Variants in TAFA1 observed in about 807,000 individuals in gnomAD.
The protein encoded by TAFA1 is TAFA chemokine like family member 1.
In TAFA1, 4 loss-of-function variants were observed where a neutral mutation model predicts 18.5. That is an observed-to-expected ratio of 0.22 (90% CI 0.11 to 0.49). The LOEUF (loss-of-function observed/expected upper bound fraction) is 0.49, where lower values mean the gene tolerates loss of function less well. Among genes scored for constraint, TAFA1 ranks in the 20% least tolerant of loss-of-function variants. The pLI is 0.98. For missense variants in TAFA1, 147 were observed against 169.0 expected (o/e 0.87, Z 0.72); for synonymous variants, 56 against 55.2 (o/e 1.01, Z -0.06).
intron 2 of TAFA1, among the ~76,000 whole-genome samples, chr3:68,182,134 A>G (rs1391176224): frequency 6.6e-6 from 1 of 152,166 alleles, no homozygotes; most frequent in Non-Finnish European, 1.5e-5. Context: ...ACTTGATCCC[A>G]GGAGGTCAAG....
chr3:68,356,804 A>C (rs2069375351), intron 2 of TAFA1, among the ~76,000 whole-genome samples: 1 of 152,014 alleles, frequency 6.6e-6, no homozygotes, highest in Non-Finnish European at 1.5e-5. Flanking sequence ...ATACATACAT[A>C]TATTGTGCTA....
intron 2 of TAFA1, among the ~76,000 whole-genome samples, chr3:68,098,099 T>C (rs1395780946): frequency 6.6e-6 from 1 of 152,206 alleles, no homozygotes; most frequent in Non-Finnish European, 1.5e-5. Flanking sequence ...AAAGAACCTG[T>C]TGTGGTCTCA....
At chr3:68,060,484 G>A (rs140571060) in intron 2 of TAFA1, among the ~76,000 whole-genome samples, 3 of 152,184 alleles carry the variant, frequency 2.0e-5, no homozygotes, top group African/African-American at 7.2e-5. Flanking sequence ...TACCTTGACG[G>A]AGTGAAACTA....
At position 68,172,844 on chromosome 3, in the gene TAFA1, A is replaced by C. The variant is rs144111010; in HGVS notation, c.118+166100A>C. On this transcript the variant is annotated intron_variant, in intron 2 of 4. Coordinates refer to ENST00000478136, the MANE Select transcript of TAFA1 (RefSeq NM_213609.4). ...AAATCTGTAGAGACATAAATGGATT[A>C]GTATTTTCAGGGACTGATAGTAGGG... Among the ~76,000 whole-genome samples, 472 of 152,306 alleles carry C rather than the reference A, an allele frequency of 3.1e-3. 1 individual carries two copies. The highest frequency in any genetic ancestry group is 0.011 in the African/African-American group (456 of 41,574).
chr3:68,431,811 C>T (rs1242906708), intron 3 of TAFA1, among the ~76,000 whole-genome samples: 1 of 151,926 alleles, frequency 6.6e-6, no homozygotes, highest in Non-Finnish European at 1.5e-5. Flanking sequence ...TTTTATTTGG[C>T]TGGGAGCGTC....
intron 2 of TAFA1, among the ~76,000 whole-genome samples, chr3:68,373,603 G>C (rs1353964498): frequency 1.3e-5 from 2 of 152,102 alleles, no homozygotes; most frequent in Non-Finnish European, 2.9e-5. Context: ...TGAAGCCCTT[G>C]GCAAACAATA....
At chr3:68,492,819 G>T (rs571671588) in intron 3 of TAFA1, among the ~76,000 whole-genome samples, 1 of 152,250 alleles carries the variant, frequency 6.6e-6, no homozygotes, top group Non-Finnish European at 1.5e-5. Flanking sequence ...CAGCATTAAA[G>T]GAGAAAGCAC....
At chr3:68,117,144 A>G (rs1360469942) in intron 2 of TAFA1, among the ~76,000 whole-genome samples, 2 of 152,124 alleles carry the variant, frequency 1.3e-5, no homozygotes, top group African/African-American at 2.4e-5. Flanking sequence ...TAATTGTTTT[A>G]TTACACTGTG....
chr3:68,051,012 C>T (rs2064465102), intron 2 of TAFA1, among the ~76,000 whole-genome samples: 1 of 152,118 alleles, frequency 6.6e-6, no homozygotes, highest in Non-Finnish European at 1.5e-5. Context: ...AAAGTACAGT[C>T]TATGTCAACC....
intron 2 of TAFA1, among the ~76,000 whole-genome samples, chr3:68,381,621 G>T (rs1335362570): frequency 2.0e-5 from 3 of 152,136 alleles, no homozygotes; most frequent in Non-Finnish European, 2.9e-5. Context: ...CATTGATTTT[G>T]TATCCTGAGA....
chr3:68,513,034 G>A (rs534651266), intron 3 of TAFA1, among the ~76,000 whole-genome samples: 53 of 152,094 alleles, frequency 3.5e-4, no homozygotes, highest in Non-Finnish European at 6.5e-4. Context: ...CTTTACAGAT[G>A]AGAATCTGAG....
intron 3 of TAFA1, among the ~76,000 whole-genome samples, chr3:68,420,244 A>G (rs1267718363): frequency 2.0e-5 from 3 of 152,156 alleles, no homozygotes; most frequent in Admixed American, 2.0e-4. Flanking sequence ...ATTATATGCC[A>G]TGGGAAGGTC....
At chr3:68,378,200 G>T (rs1040596508) in intron 2 of TAFA1, among the ~76,000 whole-genome samples, 1 of 152,188 alleles carries the variant, frequency 6.6e-6, no homozygotes, top group Non-Finnish European at 1.5e-5. Flanking sequence ...TGAACCATGT[G>T]CCTTGAAAAG....
chr3:68,296,345 T>C (rs2068207660), intron 2 of TAFA1, among the ~76,000 whole-genome samples: 1 of 152,228 alleles, frequency 6.6e-6, no homozygotes, highest in African/African-American at 2.4e-5. Flanking sequence ...GCCTGTTTGG[T>C]TGAATTGTTC....
the TAFA1 span, among the ~76,000 whole-genome samples, chr3:67,995,205 T>G: frequency 1.7e-4 from 26 of 152,294 alleles, no homozygotes; most frequent in East Asian, 7.7e-4. Flanking sequence ...AACAAGAAAT[T>G]GCAGGTATTT....
chr3:68,314,958 T>C (rs889731807), intron 2 of TAFA1, among the ~76,000 whole-genome samples: 2 of 148,970 alleles, frequency 1.3e-5, no homozygotes, highest in South Asian at 2.1e-4. Context: ...CTATATAACA[T>C]TGAATAAGAG....
At chr3:68,039,667 T>C (rs1223874961) in intron 2 of TAFA1, among the ~76,000 whole-genome samples, 1 of 152,170 alleles carries the variant, frequency 6.6e-6, no homozygotes, top group African/African-American at 2.4e-5. Flanking sequence ...ATGCAGACCT[T>C]GAAACAAGGA....
intron 2 of TAFA1, among the ~76,000 whole-genome samples, chr3:68,040,079 A>G (rs976270955): frequency 2.6e-5 from 4 of 152,200 alleles, no homozygotes; most frequent in Non-Finnish European, 5.9e-5. Context: ...CTGATAGGAT[A>G]TGGACAGGAC....
intron 2 of TAFA1, among the ~76,000 whole-genome samples, chr3:68,379,140 A>T (rs192261271): frequency 2.6e-4 from 39 of 152,280 alleles, no homozygotes; most frequent in Admixed American, 1.0e-3. Flanking sequence ...GAGTATAAGC[A>T]TTACTTTTTC....
Sources: allele counts gnomAD v4.1 joint callset (sites outside exome capture counted in the v4.1 genomes callset), GRCh38; gene constraint gnomAD v4.1.1; transcripts MANE v1.5; gene names NCBI Gene and HGNC (gene_info 2026-07-23, HGNC 2026-07-21).